The following TMEM266 variants were observed in gnomAD, a reference collection of about 807,000 sequenced individuals.
TMEM266 encodes the protein transmembrane protein 266, also known as Hv1 related protein 1.
In TMEM266, 33 loss-of-function variants were observed where a neutral mutation model predicts 50.5. The ratio of observed to expected loss-of-function variants is 0.65; its 90% CI spans 0.50 to 0.87. TMEM266 has a LOEUF of 0.87. Among genes scored for constraint, TMEM266 ranks in the 40% least tolerant of loss-of-function variants. The probability of loss-of-function intolerance (pLI) is 0.00; values close to 1 mark genes in which losing one functional copy is unlikely to be tolerated. For missense variants in TMEM266, 655 were observed against 695.1 expected (o/e 0.94, Z 0.65); for synonymous variants, 310 against 292.3 (o/e 1.06, Z -0.62).
At chr15:76,104,054 A>G (rs1227068855) in intron 1 of TMEM266, among the ~76,000 whole-genome samples, 2 of 151,760 alleles carry the variant, frequency 1.3e-5, no homozygotes, top group Non-Finnish European at 2.9e-5. Flanking sequence ...AAAAATACAA[A>G]AAATTAGCTG....
intron 1 of TMEM266, among the ~76,000 whole-genome samples, chr15:76,060,690 A>G (rs1254998397): frequency 6.6e-6 from 1 of 152,186 alleles, no homozygotes; most frequent in East Asian, 1.9e-4. Flanking sequence ...CCGAGAAAAG[A>G]TGGCCTTCAA....
chr15:76,174,687 A>G (rs2038244980), intron 7 of TMEM266, among the ~76,000 whole-genome samples: 1 of 152,230 alleles, frequency 6.6e-6, no homozygotes, highest in East Asian at 1.9e-4. Flanking sequence ...TGTCCACCTC[A>G]GCCCTAGGCA....
intron 3 of TMEM266, among the ~76,000 whole-genome samples, chr15:76,144,880 C>G (rs1160665396): frequency 6.6e-6 from 1 of 152,222 alleles, no homozygotes; most frequent in African/African-American, 2.4e-5. Context: ...TGGATAACCT[C>G]AGGGGCCAGC....
At chr15:76,127,235 TTTTA>T (rs932230688) in intron 1 of TMEM266, among the ~76,000 whole-genome samples, 2 of 152,098 alleles carry the variant, frequency 1.3e-5, no homozygotes, top group African/African-American at 2.4e-5. Context: ...ATATATACAA[TTTTA>T]TTTGTCAGTC....
chr15:76,137,408 A>T (rs1020364673), intron 2 of TMEM266, among the ~76,000 whole-genome samples: 1 of 152,158 alleles, frequency 6.6e-6, no homozygotes, highest in African/African-American at 2.4e-5. Context: ...GCAGTTATCC[A>T]TCTGGGTCTT....
intron 1 of TMEM266, among the ~76,000 whole-genome samples, chr15:76,071,213 C>G (rs767768557): frequency 8.5e-5 from 13 of 152,188 alleles, no homozygotes; most frequent in Non-Finnish European, 1.2e-4. Context: ...AGTACCTCCT[C>G]CCTGCAGACA....
At chr15:76,061,055 G>T (rs1051794976) in intron 1 of TMEM266, among the ~76,000 whole-genome samples, 5 of 152,080 alleles carry the variant, frequency 3.3e-5, no homozygotes, top group Non-Finnish European at 7.4e-5. Flanking sequence ...TTTTCACCTT[G>T]CTTTGAACAA....
At chr15:76,164,652 T>C (rs2038065753) in intron 5 of TMEM266, among the ~76,000 whole-genome samples, 1 of 152,172 alleles carries the variant, frequency 6.6e-6, no homozygotes, top group Non-Finnish European at 1.5e-5. Context: ...CAGGGAAAAT[T>C]TGTCCAAGAG....
In TMEM266 at chr15:76,102,566, C is replaced by T. The variant is rs1001066086; in HGVS notation, c.-96-31602C>T. On this transcript the variant is annotated intron_variant, in intron 1 of 10. Transcript: ENST00000388942. ...TGGAAAAATGGAGTCAGGCCGGGTG[C>T]GGTGGCTCATGCCTGTAATCCTAGC... Among the ~76,000 whole-genome samples, 3 of 152,076 alleles carry T rather than the reference C, an allele frequency of 2.0e-5. No individual in the cohort carries two copies. The East Asian group carries it at 5.8e-4, about 29-fold the overall frequency.
chr15:76,167,904 T>C (rs1399409160), intron 5 of TMEM266, among the ~76,000 whole-genome samples: 1 of 152,184 alleles, frequency 6.6e-6, no homozygotes, highest in Non-Finnish European at 1.5e-5. Context: ...ATGGGCAGCT[T>C]CCTTAACTTC....
chr15:76,182,038 G>A lies in TMEM266; in HGVS notation c.768+6364G>A, dbSNP rs8026667. Reference sequence around the variant, plus strand: ...TACTGAGGGATATGAGGCTCAATCCGGGGTGACTCAAGGTCCAGCCTCCAA... The same window carrying A: ...TACTGAGGGATATGAGGCTCAATCCAGGGTGACTCAAGGTCCAGCCTCCAA... On this transcript the variant is annotated intron_variant, in intron 8 of 10. Transcript: ENST00000388942. Among the ~76,000 whole-genome samples the A allele has an allele frequency of 1.2e-4, 18 of 152,276 alleles. No individual in the cohort carries two copies. In the South Asian group the frequency reaches 3.5e-3, roughly 30 times the overall value.
intron 1 of TMEM266, among the ~76,000 whole-genome samples, chr15:76,073,127 C>T (rs2036560528): frequency 1.3e-5 from 2 of 150,618 alleles, no homozygotes; most frequent in Admixed American, 1.3e-4. Flanking sequence ...GATGGGGTTT[C>T]ACCATGTTGT....
intron 1 of TMEM266, among the ~76,000 whole-genome samples, chr15:76,130,275 T>C (rs1421929270): frequency 8.1e-6 from 1 of 122,898 alleles, no homozygotes; most frequent in African/African-American, 3.0e-5. Flanking sequence ...CAGTGTCTCA[T>C]GCCTGTAATT....
At chr15:76,192,223 C>T (rs961569978) in intron 9 of TMEM266, 66 bp downstream of exon 9, 3 of 1,351,952 alleles carry the variant, frequency 2.2e-6, no homozygotes, top group East Asian at 3.0e-5. Context: ...CTCCCTCTCG[C>T]GCCCCGGGAC....
At chr15:76,188,890 C>G (rs1041982731) in intron 8 of TMEM266, among the ~76,000 whole-genome samples, 4 of 152,144 alleles carry the variant, frequency 2.6e-5, no homozygotes, top group African/African-American at 9.7e-5. Context: ...AAGAAACTAT[C>G]TCTTGGACAA....
intron 8 of TMEM266, among the ~76,000 whole-genome samples, chr15:76,187,930 C>T (rs920587295): frequency 6.6e-6 from 1 of 152,152 alleles, no homozygotes; most frequent in African/African-American, 2.4e-5. Context: ...ACAGATAAGA[C>T]CCCTGTTGGT....
At position 76,161,118 on chromosome 15, in the gene TMEM266, G is replaced by A. The variant is rs1025374552; in HGVS notation, c.456+950G>A. Reference sequence around the variant, plus strand: ...GAGCCTAGGACTGGCCCAAGTCAGCGGGCCACTGTGTCACTCTACCCTTGA... The same window carrying A: ...GAGCCTAGGACTGGCCCAAGTCAGCAGGCCACTGTGTCACTCTACCCTTGA... On this transcript the variant is annotated intron_variant, in intron 5 of 10. Transcript: ENST00000388942. The surrounding 1 kb of genome is among the most constrained non-coding windows in gnomAD (Gnocchi z 4.1). Among the ~76,000 whole-genome samples, 10 of 152,124 alleles carry A rather than the reference G, an allele frequency of 6.6e-5. No homozygotes were observed. The highest frequency in any genetic ancestry group is 4.6e-4 in the Admixed American group (7 of 15,276).
chr15:76,068,996 G>A (rs1049952797), intron 1 of TMEM266, among the ~76,000 whole-genome samples: 23 of 152,138 alleles, frequency 1.5e-4, no homozygotes, highest in Non-Finnish European at 4.4e-5. Context: ...CCGTCATATG[G>A]TCATCTTATT....
intron 1 of TMEM266, among the ~76,000 whole-genome samples, chr15:76,089,629 A>G (rs2141997163): frequency 6.6e-6 from 1 of 152,272 alleles, no homozygotes; most frequent in South Asian, 2.1e-4. Flanking sequence ...TGTGAGCAGG[A>G]GGGAGCTAGC....
Sources: allele counts gnomAD v4.1 joint callset (sites outside exome capture counted in the v4.1 genomes callset), GRCh38; gene constraint gnomAD v4.1.1; non-coding constraint Gnocchi (gnomAD v3.1); transcripts MANE v1.5; gene names NCBI Gene and HGNC (gene_info 2026-07-23, HGNC 2026-07-21).